The following SASH1 variants were observed in gnomAD, a reference collection of about 807,000 sequenced individuals.
The protein encoded by SASH1 is SAM and SH3 domain containing 1, also known as SAM and SH3 domain-containing protein 1.
Under a neutral mutation model 125.2 loss-of-function variants are expected in SASH1, and 44 were observed. The observed-to-expected ratio is 0.35, with a 90% CI of 0.28 to 0.45. SASH1 has a LOEUF of 0.45. Among genes scored for constraint, SASH1 ranks in the 20% least tolerant of loss-of-function variants. The pLI is 1.00. For synonymous variants in SASH1, 639 were observed against 649.1 expected, an observed-to-expected ratio of 0.98 and a Z score of 0.24; for missense variants, 1,426 against 1,614.5, an observed-to-expected ratio of 0.88 and a Z score of 2.00.
intron 1 of SASH1, among the ~76,000 whole-genome samples, chr6:148,305,533 G>A (rs1267686323): frequency 2.0e-5 from 3 of 146,816 alleles, no homozygotes; most frequent in East Asian, 2.2e-4. Flanking sequence ...TGAGGCAGGA[G>A]AATTGCTTGA....
At chr6:148,400,867 C>T (rs982475922) in intron 2 of SASH1, among the ~76,000 whole-genome samples, 2 of 152,170 alleles carry the variant, frequency 1.3e-5, no homozygotes, top group African/African-American at 2.4e-5. Context: ...AGTATGTTTG[C>T]ATTTGGGATT....
At chr6:148,305,578 C>T (rs905216800) in intron 1 of SASH1, among the ~76,000 whole-genome samples, 19 of 142,246 alleles carry the variant, frequency 1.3e-4, no homozygotes, top group Admixed American at 9.7e-4. Flanking sequence ...AGCCAAAGAT[C>T]GTGCCATTGC....
chr6:148,312,832 A>AGAGGAGGAGAAGGAGGAGAAG (rs373333717), intron 1 of SASH1, among the ~76,000 whole-genome samples: 34 of 152,218 alleles, frequency 2.2e-4, no homozygotes, highest in African/African-American at 7.9e-4. Context: ...AGGGATAAGA[A>AGAGGAGGAGAAGGAGGAGAAG]GAGGAGGAGA....
chr6:148,484,963 A>G (rs1778781306), intron 7 of SASH1, among the ~76,000 whole-genome samples: 1 of 152,130 alleles, frequency 6.6e-6, no homozygotes. Context: ...CCAAAAAACC[A>G]GTTAAGTAGC....
At chr6:148,323,262 G>C (rs186209867) in intron 1 of SASH1, among the ~76,000 whole-genome samples, 63 of 152,114 alleles carry the variant, frequency 4.1e-4, no homozygotes, top group African/African-American at 1.5e-3. Context: ...TGCCCGCCTC[G>C]GCCTCCCAAA....
the SASH1 span, among the ~76,000 whole-genome samples, chr6:148,241,235 G>A: frequency 6.6e-6 from 1 of 152,166 alleles, no homozygotes; most frequent in East Asian, 1.9e-4. Context: ...GGAAGAGGCT[G>A]GAAATAGGAA....
At chr6:148,493,742 G>C (rs945722101) in intron 8 of SASH1, among the ~76,000 whole-genome samples, 6 of 151,804 alleles carry the variant, frequency 4.0e-5, no homozygotes, top group Non-Finnish European at 8.8e-5. Flanking sequence ...TAGTTACCAG[G>C]GGAAGTGAAA....
At chr6:148,236,261 C>T in the SASH1 span, among the ~76,000 whole-genome samples, 9 of 151,846 alleles carry the variant, frequency 5.9e-5, no homozygotes, top group African/African-American at 1.9e-4. Context: ...GCCACCCAGG[C>T]TGGAGTGCAA....
chr6:148,463,948 C>T (rs746928688), intron 4 of SASH1, among the ~76,000 whole-genome samples: 35 of 152,164 alleles, frequency 2.3e-4, no homozygotes, highest in Non-Finnish European at 2.2e-4. Flanking sequence ...TTGCTATGTT[C>T]TCAGGACCTC....
intron 8 of SASH1, chr6:148,514,067 C>T: frequency 8.3e-7 from 1 of 1,201,236 alleles, no homozygotes; most frequent in Non-Finnish European, 1.0e-6. Flanking sequence ...ACAGATGCCC[C>T]CACAGGCCAC....
At chr6:148,375,693 G>A (rs1782864134) in intron 1 of SASH1, among the ~76,000 whole-genome samples, 1 of 152,200 alleles carries the variant, frequency 6.6e-6, no homozygotes, top group African/African-American at 2.4e-5. Flanking sequence ...TAGTTACCTG[G>A]ATAGATGGGC....
chr6:148,477,069 A>G (rs1778396171), intron 7 of SASH1, among the ~76,000 whole-genome samples: 1 of 152,212 alleles, frequency 6.6e-6, no homozygotes, highest in Non-Finnish European at 1.5e-5. Flanking sequence ...TCTAATCAAA[A>G]TGGATTAAAA....
chr6:148,220,652 T>A, the SASH1 span, among the ~76,000 whole-genome samples: 2 of 152,196 alleles, frequency 1.3e-5, no homozygotes, highest in South Asian at 4.1e-4. Context: ...TGGTGGCTCA[T>A]GCCTGTAATC....
intron 1 of SASH1, among the ~76,000 whole-genome samples, chr6:148,320,623 C>T (rs530241704): frequency 1.1e-4 from 17 of 152,236 alleles, no homozygotes; most frequent in African/African-American, 3.9e-4. Flanking sequence ...CCTTCGCTTA[C>T]AGCCTACAAG....
intron 1 of SASH1, among the ~76,000 whole-genome samples, chr6:148,349,199 G>A (rs1263492367): frequency 6.7e-6 from 1 of 148,824 alleles, no homozygotes; most frequent in East Asian, 2.0e-4. Context: ...GGGACTACTT[G>A]CGTCTGTGTT....
chr6:148,201,315 T>C, the SASH1 span, among the ~76,000 whole-genome samples: 1 of 152,172 alleles, frequency 6.6e-6, no homozygotes, highest in Non-Finnish European at 1.5e-5. Flanking sequence ...AGTTTTAGTT[T>C]TAGGGAGTGA....
chr6:148,274,311 C>G (rs1779133774), intron 1 of SASH1, among the ~76,000 whole-genome samples: 2 of 152,186 alleles, frequency 1.3e-5, no homozygotes, highest in East Asian at 3.8e-4. Flanking sequence ...CATGCGCTTT[C>G]CCTGGTTTCA....
chr6:148,337,455 A>C (rs924577422), intron 1 of SASH1, among the ~76,000 whole-genome samples: 2 of 151,926 alleles, frequency 1.3e-5, no homozygotes, highest in African/African-American at 2.4e-5. Flanking sequence ...CGATCTCCTG[A>C]CCTCGTGATC....
At chr6:148,459,817 A>G (rs1004003546) in intron 4 of SASH1, among the ~76,000 whole-genome samples, 1 of 152,166 alleles carries the variant, frequency 6.6e-6, no homozygotes, top group Non-Finnish European at 1.5e-5. Context: ...ATTCTATGTG[A>G]TCGGTAACAT....
Sources: allele counts gnomAD v4.1 joint callset (sites outside exome capture counted in the v4.1 genomes callset), GRCh38; gene constraint gnomAD v4.1.1; transcripts MANE v1.5; gene names NCBI Gene and HGNC (gene_info 2026-07-23, HGNC 2026-07-21).